The following MAP4K3 variants were observed in gnomAD, a reference collection of about 807,000 sequenced individuals.
MAP4K3 encodes the protein MAPK/ERK kinase kinase kinase 3.
A neutral mutation model predicts 143.5 loss-of-function variants in MAP4K3; 94 were observed. The observed-to-expected ratio is 0.65, with a 90% CI of 0.55 to 0.78. The LOEUF is 0.78. Ranked by LOEUF, MAP4K3 falls within the 30% of genes least tolerant of loss-of-function variation. MAP4K3 has a pLI of 0.00. For synonymous variants in MAP4K3, 416 were observed against 347.2 expected, an observed-to-expected ratio of 1.20 and a Z score of -2.20; for missense variants, 1,077 against 1,068.1, an observed-to-expected ratio of 1.01 and a Z score of -0.12.
intron 1 of MAP4K3, among the ~76,000 whole-genome samples, chr2:39,412,782 C>A (rs984092038): frequency 1.3e-5 from 2 of 151,834 alleles, no homozygotes; most frequent in African/African-American, 4.8e-5. Context: ...TAACTATTCT[C>A]GTCTTACAAA....
chr2:39,364,245 G>T (rs1020026105), intron 2 of MAP4K3, among the ~76,000 whole-genome samples: 1 of 152,128 alleles, frequency 6.6e-6, no homozygotes, highest in African/African-American at 2.4e-5. Context: ...CCAGAGACTG[G>T]GGGAAGTAAG....
chr2:39,281,699 G>A (rs1208949307), intron 22 of MAP4K3, among the ~76,000 whole-genome samples: 2 of 151,636 alleles, frequency 1.3e-5, no homozygotes, highest in Non-Finnish European at 2.9e-5. Flanking sequence ...CAGTCAAGTG[G>A]GAAAATCTGC....
At chr2:39,436,851 G>C (rs757173897) in intron 1 of MAP4K3, 41 bp downstream of exon 1, 4 of 1,554,406 alleles carry the variant, frequency 2.6e-6, no homozygotes, top group African/African-American at 1.4e-5. Context: ...GCTGCGGGTC[G>C]GGATCCCACG....
chr2:39,319,073 A>C (rs1216242003), intron 12 of MAP4K3, among the ~76,000 whole-genome samples: 1 of 152,136 alleles, frequency 6.6e-6, no homozygotes, highest in Non-Finnish European at 1.5e-5. Flanking sequence ...TAGAATGCAC[A>C]GGGCAGCCCT....
chr2:39,428,033 T>G (rs1665150071), intron 1 of MAP4K3, among the ~76,000 whole-genome samples: 1 of 152,232 alleles, frequency 6.6e-6, no homozygotes, highest in South Asian at 2.1e-4. Context: ...CAGGTCAAGA[T>G]TCACTCTTTC....
chr2:39,335,805 C>G (rs935752847), intron 6 of MAP4K3, among the ~76,000 whole-genome samples: 19 of 152,156 alleles, frequency 1.2e-4, no homozygotes, highest in African/African-American at 4.3e-4. Context: ...AGCAGGTTAT[C>G]TGCGAGTCCA....
At chr2:39,281,512 G>A (rs912146348) in intron 22 of MAP4K3, among the ~76,000 whole-genome samples, 1 of 152,080 alleles carries the variant, frequency 6.6e-6, no homozygotes, top group Non-Finnish European at 1.5e-5. Flanking sequence ...AGACAGCTAC[G>A]GAAATTTCTG....
chr2:39,260,413 G>C (rs1680520180), intron 29 of MAP4K3, among the ~76,000 whole-genome samples, 193 bp downstream of exon 29: 1 of 152,134 alleles, frequency 6.6e-6, no homozygotes, highest in Non-Finnish European at 1.5e-5. Flanking sequence ...ACCATGCCCT[G>C]CCAGCCAATG....
At chr2:39,318,918 A>C (rs143522574) in intron 12 of MAP4K3, among the ~76,000 whole-genome samples, 1 of 152,314 alleles carries the variant, frequency 6.6e-6, no homozygotes, top group East Asian at 1.9e-4. Flanking sequence ...AGTTGACATA[A>C]GCCAGTGGTT....
At chr2:39,378,220 T>TATTTTAA in intron 1 of MAP4K3, 97 bp from the exon 2 acceptor site, 1 of 642,502 alleles carries the variant, frequency 1.6e-6, no homozygotes, top group Non-Finnish European at 2.7e-6. Context: ...TATATAAAAA[T>TATTTTAA]ATTTTAAAAG....
At chr2:39,415,023 AG>A (rs1667334031) in intron 1 of MAP4K3, among the ~76,000 whole-genome samples, 1 of 152,360 alleles carries the variant, frequency 6.6e-6, no homozygotes, top group South Asian at 2.1e-4. Context: ...AATTTTTTAG[AG>A]AACTGAAAAG....
chr2:39,279,015 C>G (rs1681395250), intron 23 of MAP4K3, among the ~76,000 whole-genome samples: 1 of 152,128 alleles, frequency 6.6e-6, no homozygotes, highest in Non-Finnish European at 1.5e-5. Flanking sequence ...GAAGCATGGC[C>G]ATCGTCCTTT....
At chr2:39,253,742 GA>G (rs1233944250) in intron 32 of MAP4K3, among the ~76,000 whole-genome samples, 1 of 152,204 alleles carries the variant, frequency 6.6e-6, no homozygotes, top group African/African-American at 2.4e-5. Flanking sequence ...ACATGACTGA[GA>G]TTGGCTTGGG....
intron 1 of MAP4K3, among the ~76,000 whole-genome samples, chr2:39,435,023 T>C (rs1386287341): frequency 6.6e-6 from 1 of 152,182 alleles, no homozygotes; most frequent in Non-Finnish European, 1.5e-5. Context: ...CAATTAGTCC[T>C]GTAAAAAAAT....
intron 1 of MAP4K3, among the ~76,000 whole-genome samples, chr2:39,435,453 C>G (rs1042400904): frequency 6.6e-6 from 1 of 152,142 alleles, no homozygotes; most frequent in South Asian, 2.1e-4. Context: ...TCATGCTCCC[C>G]TATCTGGCGT....
chr2:39,254,102 G>T (rs1009561020), intron 32 of MAP4K3, among the ~76,000 whole-genome samples: 1 of 152,216 alleles, frequency 6.6e-6, no homozygotes, highest in African/African-American at 2.4e-5. Context: ...TAGAAAAGGT[G>T]CTTAAGGCCA....
At chr2:39,388,383 C>T (rs1314939820) in intron 1 of MAP4K3, among the ~76,000 whole-genome samples, 1 of 152,110 alleles carries the variant, frequency 6.6e-6, no homozygotes, top group Non-Finnish European at 1.5e-5. Flanking sequence ...AACTCACAAG[C>T]AAATAAATTC....
At chr2:39,366,382 A>C (rs1048620107) in intron 2 of MAP4K3, among the ~76,000 whole-genome samples, 2 of 152,258 alleles carry the variant, frequency 1.3e-5, no homozygotes, top group African/African-American at 4.8e-5. Context: ...CTGGGTTCTG[A>C]TAAGGGGTTG....
intron 18 of MAP4K3, among the ~76,000 whole-genome samples, 160 bp from the exon 19 acceptor site, chr2:39,290,494 G>C (rs915132555): frequency 2.6e-5 from 4 of 152,078 alleles, no homozygotes; most frequent in Non-Finnish European, 5.9e-5. Flanking sequence ...AATGTTGCTA[G>C]AGGTATTATT....
Sources: gnomAD v4.1 joint callset for allele counts (sites outside exome capture counted in the v4.1 genomes callset) on GRCh38, gnomAD v4.1.1 for gene constraint, MANE v1.5 for transcripts, NCBI Gene and HGNC (gene_info 2026-07-23, HGNC 2026-07-21) for gene names.